The following PARD3B variants were observed in gnomAD, a reference collection of about 807,000 sequenced individuals.
PARD3B encodes the protein partitioning defective 3 homolog B.
Under a neutral mutation model 130.2 loss-of-function variants are expected in PARD3B, and 103 were observed. The ratio of observed to expected loss-of-function variants is 0.79; its 90% CI spans 0.67 to 0.93. PARD3B has a LOEUF of 0.93. PARD3B is among the 40% of genes least tolerant of loss of function. The pLI, the probability that PARD3B is intolerant of heterozygous loss-of-function variation, is 0.00. For synonymous variants in PARD3B, 583 were observed against 553.2 expected (o/e 1.05, Z -0.76); for missense variants, 1,609 against 1,499.2 (o/e 1.07, Z -1.21).
In PARD3B at chr2:204,566,561, TA is replaced by T. The variant is rs199954859; in HGVS notation, c.120+20450del. 7.3e-3 allele frequency among the ~76,000 whole-genome samples: 1,115 copies of T among 152,182 alleles called. 16 individuals are homozygous for T. Among genetic ancestry groups the T allele is most frequent in the African/African-American group, 0.026 (1,060 of 41,520 alleles). On this transcript the variant is annotated intron_variant, in intron 1 of 22. Transcript: ENST00000406610. ...TATAAAGTTCTCATCATGTCTGCAT[TA>T]AAAAAAATCAATTCCTTTTCCTTTA...
intron 18 of PARD3B, among the ~76,000 whole-genome samples, chr2:205,353,024 C>A (rs2044050127): frequency 6.6e-6 from 1 of 152,200 alleles, no homozygotes; most frequent in Non-Finnish European, 1.5e-5. Context: ...TAGGTTTTCT[C>A]TAAACAATCT....
intron 15 of PARD3B, among the ~76,000 whole-genome samples, chr2:205,239,848 T>C (rs2039271919): frequency 6.6e-6 from 1 of 152,184 alleles, no homozygotes; most frequent in East Asian, 1.9e-4. Flanking sequence ...ACACAGTGCT[T>C]TTGGGAAAGC....
At chr2:205,502,272 C>T (rs890855862) in intron 21 of PARD3B, among the ~76,000 whole-genome samples, 8 of 152,052 alleles carry the variant, frequency 5.3e-5, no homozygotes, top group Non-Finnish European at 7.4e-5. Context: ...TCCTGTCAAG[C>T]GGCCAGACCC....
chr2:204,746,686 G>A (rs1345649403), intron 2 of PARD3B, among the ~76,000 whole-genome samples: 3 of 152,140 alleles, frequency 2.0e-5, no homozygotes, highest in Non-Finnish European at 4.4e-5. Flanking sequence ...ACTGGTGTGA[G>A]ATGGTATCTC....
chr2:205,396,524 T>C (rs1008147758), intron 18 of PARD3B, among the ~76,000 whole-genome samples: 2 of 152,216 alleles, frequency 1.3e-5, no homozygotes, highest in African/African-American at 4.8e-5. Flanking sequence ...AAACTTATAA[T>C]TCATGAACAT....
At chr2:204,834,244 C>A (rs907960748) in intron 2 of PARD3B, among the ~76,000 whole-genome samples, 1 of 152,162 alleles carries the variant, frequency 6.6e-6, no homozygotes, top group Non-Finnish European at 1.5e-5. Context: ...CTGGTCTGTT[C>A]TCTTCATGAA....
rs2053436852 is a variant in PARD3B, at chr2:205,568,314, CT to C, written c.3260+14913del. Among the ~76,000 whole-genome samples the C allele has an allele frequency of 6.6e-6, 1 of 152,182 alleles. No individual in the cohort carries two copies. The highest frequency in any genetic ancestry group is 6.5e-5 in the Admixed American group (1 of 15,276). On this transcript the variant is annotated intron_variant, in intron 22 of 22. Coordinates refer to ENST00000406610, the MANE Select transcript of PARD3B (RefSeq NM_001302769.2). The surrounding 1 kb of genome is among the most constrained non-coding windows in gnomAD (Gnocchi z 5.3). ...TAGGTGCTCTGTGAATTGGTCATGT[CT>C]TGTACGGAACACAGTGAATGCCAAT... is the stretch of plus-strand genomic sequence containing the variant.
intron 3 of PARD3B, among the ~76,000 whole-genome samples, chr2:205,025,975 T>C (rs565532687): frequency 9.6e-4 from 146 of 152,316 alleles, no homozygotes; most frequent in Non-Finnish European, 1.7e-3. Flanking sequence ...TTTTTGAACT[T>C]AACAAACATT....
chr2:205,332,015 G>C (rs987606723), intron 18 of PARD3B, among the ~76,000 whole-genome samples: 2 of 152,034 alleles, frequency 1.3e-5, no homozygotes, highest in Non-Finnish European at 2.9e-5. Context: ...CGAGGCAGGA[G>C]AATCGCGTGA....
rs189701660 is a variant in PARD3B at position 204,893,431 on chromosome 2, G to T, written c.223-71721G>T. On this transcript the variant is annotated intron_variant, in intron 2 of 22. Transcript: ENST00000406610. ...AGGGATTTTTATGAGATGACCACAA[G>T]TATAACTAAATAAATGGTTTTTTTT... is the stretch of plus-strand genomic sequence containing the variant. Among the ~76,000 whole-genome samples, 247 of 152,170 alleles carry T rather than the reference G, an allele frequency of 1.6e-3. 1 individual carries two copies. Among genetic ancestry groups the T allele is most frequent in the African/African-American group, 5.5e-3 (229 of 41,506 alleles).
At chr2:204,807,861 A>T (rs1422893578) in intron 2 of PARD3B, among the ~76,000 whole-genome samples, 2 of 151,964 alleles carry the variant, frequency 1.3e-5, no homozygotes, top group African/African-American at 4.8e-5. Context: ...GGTTGGGGGT[A>T]GTGGGGATAG....
intron 2 of PARD3B, among the ~76,000 whole-genome samples, chr2:204,829,479 C>G (rs568639748): frequency 6.6e-6 from 1 of 152,272 alleles, no homozygotes; most frequent in South Asian, 2.1e-4. Flanking sequence ...TTTCATCAAA[C>G]TCAATGACAT....
chr2:205,018,472 A>C (rs1051171542), intron 3 of PARD3B, among the ~76,000 whole-genome samples: 1 of 152,118 alleles, frequency 6.6e-6, no homozygotes, highest in South Asian at 2.1e-4. Flanking sequence ...TCTGATCTGC[A>C]AATAAGAGCA....
intron 18 of PARD3B, among the ~76,000 whole-genome samples, chr2:205,360,788 T>C (rs2044360557): frequency 6.6e-6 from 1 of 152,200 alleles, no homozygotes; most frequent in South Asian, 2.1e-4. Context: ...CAGTGGGCTG[T>C]TTGGAGGAGG....
At chr2:205,579,450 C>A (rs2053884512) in intron 22 of PARD3B, among the ~76,000 whole-genome samples, 1 of 152,110 alleles carries the variant, frequency 6.6e-6, no homozygotes, top group African/African-American at 2.4e-5. Flanking sequence ...GGTGTCTGTG[C>A]CGACAGGGAA....
intron 18 of PARD3B, among the ~76,000 whole-genome samples, chr2:205,365,119 G>C (rs375893625): frequency 8.7e-5 from 13 of 150,156 alleles, no homozygotes; most frequent in African/African-American, 3.2e-4. Flanking sequence ...AGAATTGTTT[G>C]AACCTAAGAG....
At chr2:205,059,348 T>C (rs759821056) in intron 4 of PARD3B, among the ~76,000 whole-genome samples, 1 of 152,054 alleles carries the variant, frequency 6.6e-6, no homozygotes, top group Non-Finnish European at 1.5e-5. Flanking sequence ...ACCCTATGTA[T>C]GAGAGTTATA....
chr2:205,095,456 T>C (rs1447832633), intron 4 of PARD3B, among the ~76,000 whole-genome samples: 1 of 152,154 alleles, frequency 6.6e-6, no homozygotes, highest in African/African-American at 2.4e-5. Context: ...GCTCTGAAGA[T>C]TTTAAAGCAG....
chr2:205,257,625 T>G (rs947922052), intron 16 of PARD3B, among the ~76,000 whole-genome samples: 1 of 152,216 alleles, frequency 6.6e-6, no homozygotes, highest in Non-Finnish European at 1.5e-5. Context: ...TGTACATTAG[T>G]AAAAGACTGA....
Sources: gnomAD v4.1 joint callset for allele counts (sites outside exome capture counted in the v4.1 genomes callset) on GRCh38, gnomAD v4.1.1 for gene constraint, Gnocchi (gnomAD v3.1) non-coding constraint, MANE v1.5 for transcripts, NCBI Gene and HGNC (gene_info 2026-07-23, HGNC 2026-07-21) for gene names.